GABBR2: variants seen among roughly 807,000 people sequenced by gnomAD.
GABBR2 encodes G-protein coupled receptor 51.
Under a neutral mutation model 105.6 loss-of-function variants are expected in GABBR2, and 23 were observed. The ratio of observed to expected loss-of-function variants is 0.22; its 90% CI spans 0.16 to 0.31. The LOEUF is 0.31. Among genes scored for constraint, GABBR2 ranks in the 10% least tolerant of loss-of-function variants. The probability of loss-of-function intolerance (pLI) is 1.00; values close to 1 mark genes in which losing one functional copy is unlikely to be tolerated. For synonymous variants in GABBR2, 478 were observed against 499.7 expected (o/e 0.96, Z 0.58); for missense variants, 734 against 1,245.5 (o/e 0.59, Z 6.18).
intron 2 of GABBR2, among the ~76,000 whole-genome samples, chr9:98,568,589 T>C (rs1828782484): frequency 1.3e-5 from 2 of 151,838 alleles, no homozygotes; most frequent in African/African-American, 4.8e-5. Flanking sequence ...GCAAATGAGG[T>C]GGGAGGGGCA....
rs781273468 is a variant in GABBR2, at chr9:98,370,824, A to AT, written c.1770+639dup. On this transcript the variant is annotated intron_variant, in intron 12 of 18. Coordinates refer to ENST00000259455, the MANE Select transcript of GABBR2 (RefSeq NM_005458.8). ...CTAAGAGTCAAGGTCTGGCAACATC[A>AT]TATCTATACCAAACCGCACGGGTGG... Among the ~76,000 whole-genome samples, 82 of 152,276 alleles carry AT rather than the reference A, an allele frequency of 5.4e-4. 1 individual carries two copies. The Middle Eastern group carries it at 0.01, about 19-fold the overall frequency.
chr9:98,593,842 C>T (rs553324949), intron 1 of GABBR2, among the ~76,000 whole-genome samples: 3 of 152,298 alleles, frequency 2.0e-5, no homozygotes, highest in Non-Finnish European at 2.9e-5. Context: ...CCCTCTGCAG[C>T]GACTCAGCTG....
chr9:98,413,662 G>C (rs144918505), intron 7 of GABBR2, among the ~76,000 whole-genome samples: 4 of 152,194 alleles, frequency 2.6e-5, no homozygotes, highest in Non-Finnish European at 5.9e-5. Flanking sequence ...AGCCTTCGGC[G>C]GGTGGACAAT....
chr9:98,347,737 G>A (rs144178078), intron 13 of GABBR2, among the ~76,000 whole-genome samples: 2,169 of 152,182 alleles, frequency 0.014, 29 homozygotes, highest in South Asian at 0.023. Flanking sequence ...TCCATTTTGA[G>A]TTGATTTTTG....
chr9:98,507,277 C>A (rs1382311085), intron 3 of GABBR2, among the ~76,000 whole-genome samples: 2 of 152,292 alleles, frequency 1.3e-5, no homozygotes, highest in Non-Finnish European at 1.5e-5. Context: ...GAGCAACCAT[C>A]TGGGATTATC....
At chr9:98,671,661 T>C (rs1158032797) in intron 1 of GABBR2, among the ~76,000 whole-genome samples, 1 of 152,202 alleles carries the variant, frequency 6.6e-6, no homozygotes, top group Non-Finnish European at 1.5e-5. Context: ...CTTGTTATTA[T>C]CTGACTTTGG....
chr9:98,332,983 G>A (rs111639044), intron 13 of GABBR2, among the ~76,000 whole-genome samples: 5 of 152,288 alleles, frequency 3.3e-5, no homozygotes, highest in African/African-American at 1.2e-4. Context: ...GCCTGGGTCT[G>A]GGAGTCAGAT....
At chr9:98,438,783 T>C (rs1336990102) in intron 7 of GABBR2, among the ~76,000 whole-genome samples, 1 of 152,160 alleles carries the variant, frequency 6.6e-6, no homozygotes. Context: ...CTATTAACCC[T>C]ACCACAAAAA....
chr9:98,468,602 C>T (rs867662045), intron 6 of GABBR2, among the ~76,000 whole-genome samples: 1 of 152,172 alleles, frequency 6.6e-6, no homozygotes, highest in African/African-American at 2.4e-5. Context: ...CAGAATCCAA[C>T]CTTGCACTTG....
chr9:98,607,431 G>T, intron 1 of GABBR2: 1 of 615,254 alleles, frequency 1.6e-6, no homozygotes, highest in Non-Finnish European at 2.9e-6. Flanking sequence ...CACACCAGAG[G>T]AATGCTAACA....
chr9:98,622,636 C>T lies in GABBR2; in HGVS notation c.322-44564G>A, dbSNP rs567570191. Among the ~76,000 whole-genome samples, 125 of 152,318 alleles carry T rather than the reference C, an allele frequency of 8.2e-4. No homozygotes were observed. In the South Asian group the frequency reaches 0.012, roughly 15 times the overall value. On this transcript the variant is annotated intron_variant, in intron 1 of 18. Coordinates refer to ENST00000259455, the MANE Select transcript of GABBR2 (RefSeq NM_005458.8). ...ACCATGGCACTCCTCAGCTCAAAAC[C>T]TTCCTGTGGTGCCCTGTCTCGCTTG...
chr9:98,593,609 A>C (rs1829177754), intron 1 of GABBR2, among the ~76,000 whole-genome samples: 1 of 152,154 alleles, frequency 6.6e-6, no homozygotes, highest in Admixed American at 6.5e-5. Context: ...AGCACTGGGC[A>C]CAAGGCTGGT....
chr9:98,445,594 G>A (rs1428150783), intron 7 of GABBR2, among the ~76,000 whole-genome samples: 4 of 152,230 alleles, frequency 2.6e-5, no homozygotes, highest in Admixed American at 1.3e-4. Flanking sequence ...CTCAGATGTG[G>A]TTTAAGATGA....
chr9:98,473,784 T>C (rs1826735051), intron 5 of GABBR2, among the ~76,000 whole-genome samples: 1 of 152,174 alleles, frequency 6.6e-6, no homozygotes, highest in Admixed American at 6.5e-5. Context: ...TTTTCTAGTC[T>C]CTAACCCTAA....
At chr9:98,506,679 C>T (rs1043387868) in intron 3 of GABBR2, among the ~76,000 whole-genome samples, 2 of 152,220 alleles carry the variant, frequency 1.3e-5, no homozygotes, top group African/African-American at 4.8e-5. Flanking sequence ...CTGAGGGCAG[C>T]TGGAGTTCCC....
chr9:98,708,582 G>T lies in GABBR2; in HGVS notation c.156C>A (p.Ser52Arg). The part of the protein sequence containing the change: ...WARGAPRPPP[S>R]SPPLSIMGLM... ...GGCCCATGATGGAGAGCGGCGGGCTGCTGGGCGGCGGCCGGGGGGCGCCCC... is the reference window on the plus strand; with the variant it reads ...GGCCCATGATGGAGAGCGGCGGGCTTCTGGGCGGCGGCCGGGGGGCGCCCC... Residue 52 changes from serine (S) to arginine (R), a missense_variant, in exon 1 of 19, where the codon AGC becomes AGA. Ser to Arg is a moderately radical substitution (Grantham distance 110). Coordinates refer to ENST00000259455, the MANE Select transcript of GABBR2 (RefSeq NM_005458.8). 1 of 1,491,448 alleles carries T rather than the reference G, an allele frequency of 6.7e-7. No individual in the cohort carries two copies. The allele number at this position is 1,491,448 out of a possible 1,614,324, so 92.4% of individuals were successfully genotyped here.
chr9:98,632,814 T>G (rs1055795572), intron 1 of GABBR2, among the ~76,000 whole-genome samples: 1 of 152,186 alleles, frequency 6.6e-6, no homozygotes, highest in Non-Finnish European at 1.5e-5. Flanking sequence ...AATGGTTGCT[T>G]TTACCACTAA....
chr9:98,612,158 C>T (rs1829514507), intron 1 of GABBR2, among the ~76,000 whole-genome samples: 1 of 152,230 alleles, frequency 6.6e-6, no homozygotes, highest in African/African-American at 2.4e-5. Flanking sequence ...AGTAGAAGGG[C>T]CCCCTCAGGC....
intron 1 of GABBR2, among the ~76,000 whole-genome samples, chr9:98,600,568 T>C (rs1818853030): frequency 1.3e-5 from 2 of 152,256 alleles, no homozygotes; most frequent in African/African-American, 4.8e-5. Context: ...GCCTTCTGCA[T>C]AGGCATGGTG....
Sources: gnomAD v4.1 joint callset for allele counts (sites outside exome capture counted in the v4.1 genomes callset) on GRCh38, gnomAD v4.1.1 for gene constraint, MANE v1.5 for transcripts, NCBI Gene and HGNC (gene_info 2026-07-23, HGNC 2026-07-21) for gene names.